EPHA3: variants seen among roughly 807,000 people sequenced by gnomAD.
The protein encoded by EPHA3 is ephrin type-A receptor 3.
Under a neutral mutation model 107.1 loss-of-function variants are expected in EPHA3, and 42 were observed. The ratio of observed to expected loss-of-function variants is 0.39; its 90% confidence interval spans 0.31 to 0.51. EPHA3 has a LOEUF of 0.51. EPHA3 is among the 20% of genes least tolerant of loss of function. The pLI is 0.78. For missense variants in EPHA3, 1,183 were observed against 1,211.2 expected (o/e 0.98, Z 0.35); for synonymous variants, 461 against 424.8 (o/e 1.09, Z -1.05).
intron 3 of EPHA3, among the ~76,000 whole-genome samples, chr3:89,263,042 A>G (rs1705458790): frequency 7.0e-6 from 1 of 142,580 alleles, no homozygotes; most frequent in Admixed American, 7.5e-5. Context: ...GGTTTGTTAC[A>G]TAGGTATACA....
At chr3:89,457,156 G>C (rs1710113601) in intron 15 of EPHA3, among the ~76,000 whole-genome samples, 1 of 152,140 alleles carries the variant, frequency 6.6e-6, no homozygotes, top group Admixed American at 6.5e-5. Context: ...AAACAGGCTG[G>C]GGGAACACTA....
At chr3:89,109,471 A>AT (rs780686753) in intron 1 of EPHA3, among the ~76,000 whole-genome samples, 1 of 151,980 alleles carries the variant, frequency 6.6e-6, no homozygotes. Flanking sequence ...GATAAATTAT[A>AT]TTTTCCAGAT....
chr3:89,289,707 G>C (rs951760683), intron 3 of EPHA3, among the ~76,000 whole-genome samples: 4 of 152,094 alleles, frequency 2.6e-5, no homozygotes, highest in African/African-American at 7.2e-5. Context: ...GTGTGTGCAT[G>C]TGTTCATGCA....
At chr3:89,478,257 T>G (rs545439388) in intron 16 of EPHA3, among the ~76,000 whole-genome samples, 1 of 152,392 alleles carries the variant, frequency 6.6e-6, no homozygotes, top group African/African-American at 2.4e-5. Context: ...ATTGTTTTTC[T>G]ACTTTGAAAG....
intron 13 of EPHA3, among the ~76,000 whole-genome samples, chr3:89,437,426 A>G (rs78569653): frequency 6.8e-6 from 1 of 146,462 alleles, no homozygotes. Context: ...TTTGTGTCTG[A>G]AAAAAAAAAC....
intron 15 of EPHA3, among the ~76,000 whole-genome samples, chr3:89,459,526 G>A (rs867708844): frequency 4.1e-4 from 41 of 98,914 alleles, no homozygotes; most frequent in South Asian, 1.2e-3. Flanking sequence ...TCCTTCCTTC[G>A]TTCCTTCCTT....
At chr3:89,385,270 A>G (rs1332294969) in intron 5 of EPHA3, among the ~76,000 whole-genome samples, 1 of 152,204 alleles carries the variant, frequency 6.6e-6, no homozygotes, top group Non-Finnish European at 1.5e-5. Flanking sequence ...TATCAATATT[A>G]ACCTCTTATA....
At chr3:89,473,123 A>G (rs1227950819) in intron 16 of EPHA3, among the ~76,000 whole-genome samples, 2 of 152,206 alleles carry the variant, frequency 1.3e-5, no homozygotes, top group Non-Finnish European at 2.9e-5. Context: ...ACATGTATTC[A>G]TCATTGTCTA....
At chr3:89,429,256 A>C in intron 12 of EPHA3, 89 bp downstream of exon 12, 1 of 979,016 alleles carries the variant, frequency 1.0e-6, no homozygotes, top group East Asian at 2.5e-5. Flanking sequence ...GCAATTCAGT[A>C]ATCTAAGTTT....
chr3:89,156,976 A>C (rs1704821095), intron 2 of EPHA3, among the ~76,000 whole-genome samples: 1 of 152,018 alleles, frequency 6.6e-6, no homozygotes, highest in African/African-American at 2.4e-5. Flanking sequence ...TTCAAGATTG[A>C]CACTGCATCA....
intron 3 of EPHA3, among the ~76,000 whole-genome samples, chr3:89,297,675 A>G (rs1293181225): frequency 6.6e-6 from 1 of 152,200 alleles, no homozygotes; most frequent in Non-Finnish European, 1.5e-5. Flanking sequence ...TATTTGATGC[A>G]AGGTTGCCAC....
At chr3:89,312,629 A>G (rs912069554) in intron 3 of EPHA3, among the ~76,000 whole-genome samples, 1 of 151,930 alleles carries the variant, frequency 6.6e-6, no homozygotes, top group Admixed American at 6.6e-5. Flanking sequence ...CAGGTTTGTT[A>G]CATAAGTAAA....
rs80335096 is a variant in EPHA3 at position 89,126,096 on chromosome 3, C to T, written c.89-1113C>T. ...ATAAACAACATGAGAACATGTTGTG[C>T]GGTGTATGTATTTACATTATGTTTT... On this transcript the variant is annotated intron_variant, in intron 1 of 16. Transcript: ENST00000336596. 6.4e-3 allele frequency among the ~76,000 whole-genome samples: 964 copies of T among 151,672 alleles called. 11 individuals are homozygous for T. The highest frequency in any genetic ancestry group is 0.022 in the African/African-American group (927 of 41,516).
At chr3:89,315,057 C>G (rs1003494109) in intron 3 of EPHA3, among the ~76,000 whole-genome samples, 1 of 151,706 alleles carries the variant, frequency 6.6e-6, no homozygotes, top group African/African-American at 2.4e-5. Flanking sequence ...CTAAACATAT[C>G]TAAACATAGA....
Position 89,199,938 on chromosome 3 carries a change from C to G in EPHA3, c.154-9922C>G, listed in dbSNP as rs185370221. On this transcript the variant is annotated intron_variant, in intron 2 of 16. Transcript: ENST00000336596. ...TTAGTAAATTAAAATAGGGCGCTTA[C>G]TTGGTTTTAGGCACAGGGCTAGATG... Among the ~76,000 whole-genome samples, 1,332 of 152,290 alleles carry G rather than the reference C, an allele frequency of 8.7e-3. 13 individuals carry two copies. The highest frequency in any genetic ancestry group is 0.012 in the Non-Finnish European group (810 of 68,022).
chr3:89,356,970 G>A (rs1422692671), intron 5 of EPHA3, among the ~76,000 whole-genome samples: 8 of 149,152 alleles, frequency 5.4e-5, no homozygotes, highest in African/African-American at 2.4e-5. Context: ...GGGTGTGGTC[G>A]TTGGTTGTGC....
chr3:89,446,147 A>G (rs1157238765), intron 13 of EPHA3, among the ~76,000 whole-genome samples: 1 of 152,202 alleles, frequency 6.6e-6, no homozygotes. Context: ...AGGTTACACA[A>G]ATAGACCACA....
intron 3 of EPHA3, among the ~76,000 whole-genome samples, chr3:89,248,462 C>T (rs1271084694): frequency 6.6e-6 from 1 of 152,182 alleles, no homozygotes; most frequent in Non-Finnish European, 1.5e-5. Flanking sequence ...GTTGCCAGAA[C>T]TTTGTCTTCA....
At chr3:89,202,333 GA>G (rs1705987125) in intron 2 of EPHA3, among the ~76,000 whole-genome samples, 1 of 151,186 alleles carries the variant, frequency 6.6e-6, no homozygotes, top group South Asian at 2.1e-4. Flanking sequence ...CGTCTCTACT[GA>G]AAATAAAAAA....
Sources: allele counts gnomAD v4.1 joint callset (sites outside exome capture counted in the v4.1 genomes callset), GRCh38; gene constraint gnomAD v4.1.1; transcripts MANE v1.5; gene names NCBI Gene and HGNC (gene_info 2026-07-23, HGNC 2026-07-21).